The following DPP10 variants were observed in gnomAD, a reference collection of about 807,000 sequenced individuals.
The protein encoded by DPP10 is inactive dipeptidyl peptidase 10.
Under a neutral mutation model 120.9 loss-of-function variants are expected in DPP10, and 33 were observed. The observed-to-expected ratio is 0.27, with a 90% CI of 0.21 to 0.37. DPP10 has a LOEUF of 0.37. Among genes scored for constraint, DPP10 ranks in the 10% least tolerant of loss-of-function variants. The probability of loss-of-function intolerance (pLI) is 1.00; values close to 1 mark genes in which losing one functional copy is unlikely to be tolerated. For synonymous variants in DPP10, 337 were observed against 326.1 expected (o/e 1.03, Z -0.36); for missense variants, 816 against 942.8 (o/e 0.87, Z 1.76).
At chr2:115,545,198 A>C (rs1161446686) in intron 5 of DPP10, among the ~76,000 whole-genome samples, 1 of 152,106 alleles carries the variant, frequency 6.6e-6, no homozygotes, top group East Asian at 1.9e-4. Context: ...CTCTCCAAAA[A>C]AGTTGGTAAA....
At chr2:115,166,854 A>T (rs2052914445) in intron 1 of DPP10, among the ~76,000 whole-genome samples, 1 of 152,140 alleles carries the variant, frequency 6.6e-6, no homozygotes, top group Admixed American at 6.5e-5. Context: ...TGGTTTCTTG[A>T]ATTATTTATG....
At chr2:115,047,001 A>G (rs1243546026) in intron 1 of DPP10, among the ~76,000 whole-genome samples, 1 of 151,994 alleles carries the variant, frequency 6.6e-6, no homozygotes, top group Admixed American at 6.6e-5. Context: ...CCTTACTCTC[A>G]TTCAATTCAG....
chr2:114,976,554 T>G (rs1037721675), intron 1 of DPP10, among the ~76,000 whole-genome samples: 1 of 152,242 alleles, frequency 6.6e-6, no homozygotes, highest in African/African-American at 2.4e-5. Context: ...TAACACAGAA[T>G]TGTTGAATCA....
chr2:115,460,935 T>A (rs2073949238), intron 3 of DPP10, among the ~76,000 whole-genome samples: 4 of 152,158 alleles, frequency 2.6e-5, no homozygotes, highest in Admixed American at 2.6e-4. Context: ...TCATAATGAG[T>A]CAGAGAAGTG....
chr2:114,548,322 G>A (rs1687592738), intron 1 of DPP10, among the ~76,000 whole-genome samples: 1 of 152,164 alleles, frequency 6.6e-6, no homozygotes, highest in South Asian at 2.1e-4. Context: ...GTGATGTCAT[G>A]TTAAGGTACA....
At position 115,087,173 on chromosome 2, in the gene DPP10, C is replaced by T. The variant is rs560924185; in HGVS notation, c.61-222066C>T. Among the ~76,000 whole-genome samples, 9 of 152,214 alleles carry T rather than the reference C, an allele frequency of 5.9e-5. No homozygotes were observed. In the South Asian group the frequency reaches 1.9e-3, roughly 32 times the overall value. ...CATCTTATGGTAAAGCAGTTTTGAT[C>T]CATAATGGTATTTTTAAAAGCTAAA... On this transcript the variant is annotated intron_variant, in intron 1 of 25. Coordinates refer to ENST00000410059, the MANE Select transcript of DPP10 (RefSeq NM_020868.6).
chr2:114,710,515 TG>T (rs1344322170), intron 1 of DPP10, among the ~76,000 whole-genome samples: 32 of 152,150 alleles, frequency 2.1e-4, no homozygotes, highest in African/African-American at 7.7e-4. Flanking sequence ...GAGGCCAAGG[TG>T]GGTGGATCAC....
chr2:115,729,801 A>T (rs2092856116), intron 8 of DPP10, among the ~76,000 whole-genome samples: 1 of 34,158 alleles, frequency 2.9e-5, no homozygotes, highest in East Asian at 0.056. Flanking sequence ...AGAGAGAAAA[A>T]GAGAGAGAGA....
chr2:115,839,212 G>A (rs1434253967), intron 24 of DPP10, among the ~76,000 whole-genome samples: 3 of 152,124 alleles, frequency 2.0e-5, no homozygotes, highest in African/African-American at 7.2e-5. Context: ...AGTGCCATAG[G>A]AAGATGTTGA....
At chr2:114,558,854 T>C (rs1440844852) in intron 1 of DPP10, among the ~76,000 whole-genome samples, 4 of 152,194 alleles carry the variant, frequency 2.6e-5, no homozygotes, top group Non-Finnish European at 5.9e-5. Flanking sequence ...GTCTGACACA[T>C]AACAGATACT....
At chr2:115,547,996 ATTTTAAC>A (rs2079618794) in intron 5 of DPP10, among the ~76,000 whole-genome samples, 3 of 152,140 alleles carry the variant, frequency 2.0e-5, no homozygotes, top group Admixed American at 2.0e-4. Context: ...TAAGTATGTG[ATTTTAAC>A]TTTTGCACAA....
rs528061455 is a variant in DPP10 at position 115,496,861 on chromosome 2, G to C, written c.272-2649G>C. ...CAATGAGTTTCCCTGAAGTCTTGGAGGTCAGGGTTTTTCAAGGAAAGTTTG... is the reference window on the plus strand; with the variant it reads ...CAATGAGTTTCCCTGAAGTCTTGGACGTCAGGGTTTTTCAAGGAAAGTTTG... On this transcript the variant is annotated intron_variant, in intron 3 of 25. Transcript: ENST00000410059. Among the ~76,000 whole-genome samples, 9 of 152,204 alleles carry C rather than the reference G, an allele frequency of 5.9e-5. No individual in the cohort carries two copies. In the East Asian group the frequency reaches 1.5e-3, roughly 26 times the overall value.
chr2:115,604,645 C>T (rs1474981697), intron 5 of DPP10, among the ~76,000 whole-genome samples: 3 of 152,120 alleles, frequency 2.0e-5, no homozygotes, highest in Non-Finnish European at 4.4e-5. Context: ...AGATCATAAC[C>T]TAAATCTAAG....
At chr2:115,100,846 G>A (rs2048658662) in intron 1 of DPP10, among the ~76,000 whole-genome samples, 2 of 151,902 alleles carry the variant, frequency 1.3e-5, no homozygotes, top group South Asian at 4.1e-4. Flanking sequence ...ATCCTTCCAG[G>A]CCCCTGAACA....
intron 5 of DPP10, among the ~76,000 whole-genome samples, chr2:115,646,140 TGC>T (rs1180517243): frequency 1.3e-5 from 2 of 152,086 alleles, no homozygotes; most frequent in African/African-American, 4.8e-5. Context: ...TTGCCCTCTT[TGC>T]CTCCTCCTAT....
intron 1 of DPP10, among the ~76,000 whole-genome samples, chr2:115,051,594 T>C (rs1255794136): frequency 6.6e-6 from 1 of 152,186 alleles, no homozygotes; most frequent in Non-Finnish European, 1.5e-5. Context: ...TCATTATAAA[T>C]GCATTTATTG....
At position 114,950,582 on chromosome 2, in the gene DPP10, C is replaced by A. The variant is rs140934691; in HGVS notation, c.61-358657C>A. Among the ~76,000 whole-genome samples, 6 of 151,214 alleles carry A rather than the reference C, an allele frequency of 4.0e-5. 1 individual carries two copies. The East Asian group carries it at 1.2e-3, about 29-fold the overall frequency. ...GTCTCTCAAGATTTTTTTTTTAATA[C>A]AACATCTTGAATACCTTTTAGATTC... On this transcript the variant is annotated intron_variant, in intron 1 of 25. Coordinates refer to ENST00000410059, the MANE Select transcript of DPP10 (RefSeq NM_020868.6).
At chr2:115,378,744 T>G (rs1397912750) in intron 3 of DPP10, among the ~76,000 whole-genome samples, 1 of 152,214 alleles carries the variant, frequency 6.6e-6, no homozygotes, top group Non-Finnish European at 1.5e-5. Context: ...CCTAATTTAT[T>G]GAGATTTTTA....
chr2:114,457,332 C>G (rs1241042913), intron 1 of DPP10, among the ~76,000 whole-genome samples: 1 of 152,188 alleles, frequency 6.6e-6, no homozygotes, highest in African/African-American at 2.4e-5. Context: ...CTGGCCTCTA[C>G]CAGTCAGTAG....
Sources: allele counts gnomAD v4.1 joint callset (sites outside exome capture counted in the v4.1 genomes callset), GRCh38; gene constraint gnomAD v4.1.1; transcripts MANE v1.5; gene names NCBI Gene and HGNC (gene_info 2026-07-23, HGNC 2026-07-21).